The following ANAPC13 variants were observed in gnomAD, a reference collection of about 807,000 sequenced individuals.
ANAPC13 encodes anaphase-promoting complex subunit 13.
In ANAPC13, 9 loss-of-function variants were observed where a neutral mutation model predicts 9.6. The observed-to-expected ratio is 0.94, with a 90% confidence interval of 0.57 to 1.64. The LOEUF (loss-of-function observed/expected upper bound fraction) is 1.64. Among genes scored for constraint, ANAPC13 ranks in the 40% most tolerant of loss-of-function variants. ANAPC13 has a pLI of 0.00. For synonymous variants in ANAPC13, 30 were observed against 29.7 expected (o/e 1.01, Z -0.03); for missense variants, 75 against 85.3 (o/e 0.88, Z 0.48).
chr3:134,480,815 C>T (rs1934719126), intron 2 of ANAPC13, among the ~76,000 whole-genome samples: 1 of 152,190 alleles, frequency 6.6e-6, no homozygotes, highest in Admixed American at 6.5e-5. Flanking sequence ...ACTAGAAGTC[C>T]CTCCCAGCTG....
chr3:134,484,872 T>C (rs538299768), intron 1 of ANAPC13, among the ~76,000 whole-genome samples: 9 of 152,334 alleles, frequency 5.9e-5, no homozygotes, highest in Admixed American at 2.0e-4. Context: ...TTGCTTCTTG[T>C]CCTAACTTAA....
chr3:134,479,669 A>G (rs944152027), intron 2 of ANAPC13, among the ~76,000 whole-genome samples: 11 of 152,302 alleles, frequency 7.2e-5, no homozygotes, highest in Non-Finnish European at 1.2e-4. Flanking sequence ...ATATTATAAT[A>G]AAAATGGAGG....
At chr3:134,483,203 T>C (rs1194307966) in intron 1 of ANAPC13, 4 of 367,138 alleles carry the variant, frequency 1.1e-5, no homozygotes, top group East Asian at 4.5e-5. Context: ...GGCCCTCAAA[T>C]ATTAATATGT....
chr3:134,483,622 T>C (rs761486391), intron 1 of ANAPC13, among the ~76,000 whole-genome samples: 2 of 152,238 alleles, frequency 1.3e-5, no homozygotes, highest in Non-Finnish European at 2.9e-5. Flanking sequence ...CCCATTTTTC[T>C]CTGAAACTGC....
chr3:134,484,429 C>A (rs561846808), intron 1 of ANAPC13, among the ~76,000 whole-genome samples: 24 of 152,176 alleles, frequency 1.6e-4, no homozygotes, highest in African/African-American at 5.3e-4. Flanking sequence ...TCACAGCTGT[C>A]CCCCATAGGA....
chr3:134,485,272 C>G (rs981375330), intron 1 of ANAPC13: 2 of 152,416 alleles, frequency 1.3e-5, no homozygotes, highest in South Asian at 2.1e-4. Flanking sequence ...CCCAAGTACT[C>G]GTCACCCAGT....
chr3:134,478,920 G>C (rs1934671356), intron 2 of ANAPC13, among the ~76,000 whole-genome samples: 1 of 152,230 alleles, frequency 6.6e-6, no homozygotes, highest in Non-Finnish European at 1.5e-5. Context: ...AGTAGGGAAT[G>C]ATGGGCATTT....
chr3:134,478,850 A>C (rs1934669615), intron 2 of ANAPC13, 135 bp from the exon 3 acceptor site: 1 of 983,716 alleles, frequency 1.0e-6, no homozygotes, highest in Non-Finnish European at 1.5e-6. Flanking sequence ...AAAAAAGCTA[A>C]AATCATACAC....
intron 2 of ANAPC13, 95 bp downstream of exon 2, chr3:134,482,711 T>G: frequency 1.0e-6 from 1 of 977,314 alleles, no homozygotes; most frequent in Non-Finnish European, 1.6e-6. Flanking sequence ...TTGATTTCTT[T>G]GCCACACTAG....
chr3:134,482,968 C>T, intron 1 of ANAPC13, 37 bp from the exon 2 acceptor site: 1 of 1,327,552 alleles, frequency 7.5e-7, no homozygotes, highest in East Asian at 2.3e-5. Flanking sequence ...AACACGAAGA[C>T]TGAAGAGATG....
At chr3:134,483,265 T>C (rs1032245001) in intron 1 of ANAPC13, 1 of 219,410 alleles carries the variant, frequency 4.6e-6, no homozygotes. Flanking sequence ...CCTTTTCCTG[T>C]TTGTGATGCC....
intron 2 of ANAPC13, among the ~76,000 whole-genome samples, chr3:134,480,164 ATTATC>A (rs1934705425): frequency 6.6e-6 from 1 of 152,232 alleles, no homozygotes; most frequent in Non-Finnish European, 1.5e-5. Flanking sequence ...GCAATAATAT[ATTATC>A]TTAAACTTAA....
At chr3:134,485,915 C>G in intron 1 of ANAPC13, 37 bp downstream of exon 1, 1 of 915,068 alleles carries the variant, frequency 1.1e-6, no homozygotes, top group Non-Finnish European at 1.3e-6. Flanking sequence ...ATTCCCGCGC[C>G]TCCAAAACCT....
At chr3:134,483,162 G>C (rs1934777494) in intron 1 of ANAPC13, 3 of 495,566 alleles carry the variant, frequency 6.1e-6, no homozygotes, top group Non-Finnish European at 1.1e-5. Flanking sequence ...CAGTGTCATA[G>C]AGTGTGACAG....
rs1197247739 is a variant in ANAPC13 at position 134,478,703 on chromosome 3, C to G, written c.112G>C (p.Glu38Gln). 6.2e-7 allele frequency: 1 copy of G among 1,613,788 alleles called. No homozygotes were observed. Among genetic ancestry groups the G allele is most frequent in the East Asian group, 2.2e-5 (1 of 44,868 alleles). ...DVAIPLNELP[E>Q]PEQDNGGTTE... ...GTGCCACCATTGTCTTGTTCAGGTT[C>G]AGGAAGCTCATTCTGAAAAGGTACA... is the stretch of plus-strand genomic sequence containing the variant. The change falls in exon 3 of 3, where the codon GAA becomes CAA. Residue 38 changes from glutamate (E) to glutamine (Q), a missense_variant. Coordinates refer to ENST00000354910, the MANE Select transcript of ANAPC13 (RefSeq NM_015391.4).
intron 2 of ANAPC13, among the ~76,000 whole-genome samples, chr3:134,482,296 G>T (rs1934751655): frequency 6.6e-6 from 1 of 152,184 alleles, no homozygotes; most frequent in South Asian, 2.1e-4. Flanking sequence ...GTTTTCCAAA[G>T]ATGGGGAAGA....
At chr3:134,482,233 C>T (rs982499690) in intron 2 of ANAPC13, among the ~76,000 whole-genome samples, 1 of 152,148 alleles carries the variant, frequency 6.6e-6, no homozygotes, top group African/African-American at 2.4e-5. Flanking sequence ...TTTATATAAG[C>T]AAAACTTTTG....
In ANAPC13 at chr3:134,478,507, A is replaced by T; in HGVS notation, c.*83T>A. On this transcript the variant is annotated 3_prime_UTR_variant, in exon 3 of 3. Coordinates refer to ENST00000354910, the MANE Select transcript of ANAPC13 (RefSeq NM_015391.4). The stretch of plus-strand genomic sequence containing the variant: ...TTTTTGAGTGCTGATTTATTACTCA[A>T]AGGTTTGAATTTGGAGACTGAAACA... The T allele has an allele frequency of 6.6e-7, 1 of 1,517,356 alleles. No homozygotes were observed. The highest frequency in any genetic ancestry group is 8.9e-7 in the Non-Finnish European group (1 of 1,121,628). 94.0% of individuals were successfully genotyped at this position (1,517,356 alleles called of 1,614,324 possible).
At chr3:134,484,934 C>G (rs998739391) in intron 1 of ANAPC13, among the ~76,000 whole-genome samples, 4 of 152,218 alleles carry the variant, frequency 2.6e-5, no homozygotes, top group Admixed American at 1.3e-4. Context: ...GGTATTATTG[C>G]CTCCAACTGT....
Sources: gnomAD v4.1 joint callset for allele counts (sites outside exome capture counted in the v4.1 genomes callset) on GRCh38, gnomAD v4.1.1 for gene constraint, MANE v1.5 for transcripts, NCBI Gene and HGNC (gene_info 2026-07-23, HGNC 2026-07-21) for gene names.